The following ZC3H13 variants were observed in gnomAD, a reference collection of about 807,000 sequenced individuals.
ZC3H13 encodes the protein zinc finger CCCH domain-containing protein 13.
In ZC3H13, 64 loss-of-function variants were observed where a neutral mutation model predicts 204.1. That is an observed-to-expected ratio of 0.31 (90% confidence interval 0.26 to 0.39). The LOEUF (loss-of-function observed/expected upper bound fraction) is 0.39. Among genes scored for constraint, ZC3H13 ranks in the 10% least tolerant of loss-of-function variants. ZC3H13 has a pLI of 1.00. For synonymous variants in ZC3H13, 667 were observed against 693.7 expected, an observed-to-expected ratio of 0.96 and a Z score of 0.60; for missense variants, 1,833 against 2,082.7, an observed-to-expected ratio of 0.88 and a Z score of 2.33.
chr13:46,003,200 T>G lies in ZC3H13; in HGVS notation c.883A>C (p.Arg295=), dbSNP rs201279959. Residue 295 remains arginine, a synonymous_variant, in exon 8 of 19, where the codon AGA becomes CGA. Transcript: ENST00000679008. Reference sequence around the variant, plus strand: ...TCTCGTCCTCTGTCCTTTCCATCTCTTGTTTTTTCTTCTATCCTGTCTTTT... The same window carrying G: ...TCTCGTCCTCTGTCCTTTCCATCTCGTGTTTTTTCTTCTATCCTGTCTTTT... ...KVKDRIEEKT[R]DGKDRGRDFE... The G allele has an allele frequency of 6.2e-7, 1 of 1,613,076 alleles. No individual in the cohort carries two copies. Among genetic ancestry groups the G allele is most frequent in the Non-Finnish European group, 8.5e-7 (1 of 1,179,814 alleles).
At chr13:46,038,180 C>CGA (rs200584322) in intron 4 of ZC3H13, among the ~76,000 whole-genome samples, 10 of 64,154 alleles carry the variant, frequency 1.6e-4, no homozygotes, top group Admixed American at 3.0e-4. Flanking sequence ...CATCTCACGT[C>CGA]CACGTTATCA....
intron 3 of ZC3H13, 101 bp downstream of exon 3, chr13:46,044,854 A>T: frequency 1.4e-6 from 1 of 737,210 alleles, no homozygotes; most frequent in Non-Finnish European, 2.0e-6. Flanking sequence ...CAATATAGAA[A>T]ATCTGACCAA....
chr13:46,021,933 A>C (rs1465572633), intron 4 of ZC3H13, among the ~76,000 whole-genome samples: 1 of 151,984 alleles, frequency 6.6e-6, no homozygotes, highest in Non-Finnish European at 1.5e-5. Context: ...ATTTAATAGG[A>C]GGTTATCTCC....
At chr13:46,031,973 T>A (rs893793212) in intron 4 of ZC3H13, among the ~76,000 whole-genome samples, 2 of 152,268 alleles carry the variant, frequency 1.3e-5, no homozygotes, top group Non-Finnish European at 2.9e-5. Context: ...TGCACACAGA[T>A]GTTTATAGCA....
chr13:46,052,320 C>CGGG (rs370456896), intron 1 of ZC3H13, 84 bp downstream of exon 1: 10 of 367,424 alleles, frequency 2.7e-5, no homozygotes, highest in African/African-American at 8.7e-5. Context: ...CAAGCAAAGA[C>CGGG]GGGGGGGGGT....
chr13:45,967,697 G>A lies in ZC3H13; in HGVS notation c.4128C>T (p.Asp1376=), dbSNP rs755342960. Residue 1376 remains aspartate (D), a synonymous_variant, in exon 15 of 19, where the codon GAC becomes GAT. Coordinates refer to ENST00000679008, the MANE Select transcript of ZC3H13 (RefSeq NM_001330564.2). ...SVERDRDRDR[D]RTFESSQIES... is the part of the protein sequence containing the mutation. The stretch of plus-strand genomic sequence containing the variant: ...CTATTTGAGAACTCTCAAAAGTTCT[G>A]TCTCTGTCTCTGTCCCTGTCCCTTT... 10 of 1,613,928 alleles carry A rather than the reference G, an allele frequency of 6.2e-6. No individual in the cohort carries two copies. Among genetic ancestry groups the A allele is most frequent in the Non-Finnish European group, 8.5e-6 (10 of 1,179,950 alleles).
At chr13:45,989,791 T>C (rs1046910482) in intron 8 of ZC3H13, among the ~76,000 whole-genome samples, 2 of 81,906 alleles carry the variant, frequency 2.4e-5, no homozygotes, top group Non-Finnish European at 4.7e-5. Flanking sequence ...ATGAAACAGA[T>C]GTGATCATTA....
rs1383659871 is a variant in ZC3H13 at position 46,020,471 on chromosome 13, T to C, written c.426A>G (p.Val142=). Residue 142 remains valine (V), a synonymous_variant, in exon 5 of 19, where the codon GTA becomes GTG. Transcript: ENST00000679008. ...CACCATCTCTATTAGTTTCCCATTC[T>C]ACATTTTCTTCTTCACTTTCTGGAG... ...ERTPESEEEN[V]EWETNRDDSD... 1.9e-6 allele frequency: 3 copies of C among 1,609,944 alleles called. No homozygotes were observed. In the Middle Eastern group the frequency reaches 5.0e-4, roughly 266 times the overall value.
intron 4 of ZC3H13, among the ~76,000 whole-genome samples, chr13:46,023,687 G>C (rs1339708064): frequency 6.6e-6 from 1 of 152,114 alleles, no homozygotes; most frequent in Non-Finnish European, 1.5e-5. Flanking sequence ...ATACAAATTT[G>C]AACTATTATT....
intron 11 of ZC3H13, 24 bp downstream of exon 11, chr13:45,979,789 T>C: frequency 6.5e-7 from 1 of 1,539,096 alleles, no homozygotes; most frequent in Non-Finnish European, 8.7e-7. Flanking sequence ...TGTTCACTAT[T>C]TAATAAAATT....
intron 5 of ZC3H13, among the ~76,000 whole-genome samples, chr13:46,015,827 A>G (rs373513792): frequency 1.3e-5 from 2 of 152,232 alleles, no homozygotes; most frequent in South Asian, 4.1e-4. Flanking sequence ...TATTCTTTTA[A>G]AAGACTGTTC....
Position 46,034,593 on chromosome 13 carries a change from C to T in ZC3H13, c.339+7571G>A, listed in dbSNP as rs558620938. Among the ~76,000 whole-genome samples the T allele has an allele frequency of 3.9e-5, 6 of 152,158 alleles. No homozygotes were observed. The South Asian group carries it at 1.2e-3, about 32-fold the overall frequency. Reference sequence around the variant, plus strand: ...TATCAGGAGTGAGTTTGGGAGGCGACTGATGACAAAAAGGCATGAAGATAT... The same window carrying T: ...TATCAGGAGTGAGTTTGGGAGGCGATTGATGACAAAAAGGCATGAAGATAT... On this transcript the variant is annotated intron_variant, in intron 4 of 18. Coordinates refer to ENST00000679008, the MANE Select transcript of ZC3H13 (RefSeq NM_001330564.2).
rs760541006 is a variant in ZC3H13, at chr13:45,980,008, A to G, written c.1721-4T>C. On this transcript the variant is annotated splice_polypyrimidine_tract_variant and splice_region_variant and intron_variant, in intron 10 of 18. Coordinates refer to ENST00000679008, the MANE Select transcript of ZC3H13 (RefSeq NM_001330564.2). ...GAACCTCTTGAGCCTCGACTTCCTA[A>G]ACAAAGGATAGACACACAAATGTTT... 6.3e-7 allele frequency: 1 copy of G among 1,589,482 alleles called. No individual in the cohort carries two copies. Among genetic ancestry groups the G allele is most frequent in the East Asian group, 2.3e-5 (1 of 44,158 alleles).
chr13:46,031,867 G>GT (rs1450154883), intron 4 of ZC3H13, among the ~76,000 whole-genome samples: 1 of 152,132 alleles, frequency 6.6e-6, no homozygotes, highest in East Asian at 1.9e-4. Context: ...ATAGTTGGCA[G>GT]TTTTTTACAA....
At chr13:45,981,335 T>C (rs1286171864) in intron 10 of ZC3H13, among the ~76,000 whole-genome samples, 2 of 152,336 alleles carry the variant, frequency 1.3e-5, no homozygotes, top group East Asian at 1.9e-4. Context: ...TATGGCTGCA[T>C]AGTATTCCAT....
intron 4 of ZC3H13, among the ~76,000 whole-genome samples, chr13:46,023,943 T>A (rs979583047): frequency 2.6e-5 from 4 of 152,176 alleles, no homozygotes; most frequent in African/African-American, 9.7e-5. Flanking sequence ...CCAACTTCAG[T>A]CACATGGCCA....
At chr13:46,034,927 G>C (rs7331368) in intron 4 of ZC3H13, among the ~76,000 whole-genome samples, 113,501 of 151,540 alleles carry the variant, frequency 0.75, 42,975 homozygotes, top group African/African-American at 0.85. Flanking sequence ...ATATATACCA[G>C]TTAGTATACA....
At chr13:46,015,015 C>T (rs560164175) in intron 5 of ZC3H13, among the ~76,000 whole-genome samples, 14 of 152,222 alleles carry the variant, frequency 9.2e-5, no homozygotes, top group African/African-American at 3.4e-4. Flanking sequence ...CTTATATGAA[C>T]ATTTTGATAT....
At chr13:46,022,793 G>A (rs2042298150) in intron 4 of ZC3H13, among the ~76,000 whole-genome samples, 1 of 151,312 alleles carries the variant, frequency 6.6e-6, no homozygotes, top group East Asian at 1.9e-4. Context: ...AGTAGCCTGT[G>A]ACCAAACATA....
Sources: allele counts gnomAD v4.1 joint callset (sites outside exome capture counted in the v4.1 genomes callset), GRCh38; gene constraint gnomAD v4.1.1; transcripts MANE v1.5; gene names NCBI Gene and HGNC (gene_info 2026-07-23, HGNC 2026-07-21).